The following PELI2 variants were observed in gnomAD, a reference collection of about 807,000 sequenced individuals.
PELI2 encodes the protein E3 ubiquitin-protein ligase pellino homolog 2.
PELI2 carries 23 observed loss-of-function variants against 42.3 expected under a neutral mutation model. The ratio of observed to expected loss-of-function variants is 0.54; its 90% confidence interval spans 0.39 to 0.77. PELI2 has a LOEUF of 0.77. Ranked by LOEUF, PELI2 falls within the 30% of genes least tolerant of loss-of-function variation. The probability of loss-of-function intolerance (pLI) is 0.00; values close to 1 mark genes in which losing one functional copy is unlikely to be tolerated. For missense variants in PELI2, 463 were observed against 553.2 expected, an observed-to-expected ratio of 0.84 and a Z score of 1.64; for synonymous variants, 245 against 212.2, an observed-to-expected ratio of 1.15 and a Z score of -1.34.
At position 56,150,103 on chromosome 14, in the gene PELI2, T is replaced by C. The variant is rs114831931; in HGVS notation, c.78-28232T>C. Among the ~76,000 whole-genome samples the C allele has an allele frequency of 7.8e-3, 1,192 of 152,252 alleles. 17 individuals carry two copies. Among genetic ancestry groups the C allele is most frequent in the African/African-American group, 0.027 (1,118 of 41,550 alleles). Reference sequence around the variant, plus strand: ...CCTTCCCTCTCAGGCGCTTGAGATATAAGGAAAAATAAGGTAAAGTGCTTT... The same window carrying C: ...CCTTCCCTCTCAGGCGCTTGAGATACAAGGAAAAATAAGGTAAAGTGCTTT... On this transcript the variant is annotated intron_variant, in intron 1 of 5. Coordinates refer to ENST00000267460, the MANE Select transcript of PELI2 (RefSeq NM_021255.3).
At chr14:56,251,855 G>A (rs1888355423) in intron 2 of PELI2, among the ~76,000 whole-genome samples, 1 of 152,190 alleles carries the variant, frequency 6.6e-6, no homozygotes, top group Admixed American at 6.5e-5. Context: ...AGTCACTTGG[G>A]ATGTTTTAGC....
At position 56,273,916 on chromosome 14, in the gene PELI2, A is replaced by T. The variant is rs1005115770; in HGVS notation, c.208-5760A>T. On this transcript the variant is annotated intron_variant, in intron 2 of 5. Coordinates refer to ENST00000267460, the MANE Select transcript of PELI2 (RefSeq NM_021255.3). The surrounding 1 kb of genome is among the most constrained non-coding windows in gnomAD (Gnocchi z 4.3). ...CCACGTTTGATTCAGCATCTCAAAG[A>T]TGTCAGGGCTCTGAGCCAACTTCTG... 9.2e-5 allele frequency among the ~76,000 whole-genome samples: 14 copies of T among 152,192 alleles called. No individual in the cohort carries two copies. Among genetic ancestry groups the T allele is most frequent in the Admixed American group, 5.9e-4 (9 of 15,280 alleles).
At chr14:56,245,967 G>A (rs983676434) in intron 2 of PELI2, among the ~76,000 whole-genome samples, 1 of 152,200 alleles carries the variant, frequency 6.6e-6, no homozygotes, top group African/African-American at 2.4e-5. Context: ...ATCTGCAGGA[G>A]TCCTGGAACC....
At chr14:56,256,443 C>A (rs1257826324) in intron 2 of PELI2, among the ~76,000 whole-genome samples, 1 of 151,416 alleles carries the variant, frequency 6.6e-6, no homozygotes, top group Non-Finnish European at 1.5e-5. Flanking sequence ...AAGATCGAGA[C>A]CCTGTCTCAA....
chr14:56,176,019 A>C (rs1340881707), intron 1 of PELI2, among the ~76,000 whole-genome samples: 2 of 152,222 alleles, frequency 1.3e-5, no homozygotes, highest in African/African-American at 4.8e-5. Context: ...ATGGATGACT[A>C]TCTCTCTGTC....
At chr14:56,214,951 A>G (rs1276024462) in intron 2 of PELI2, among the ~76,000 whole-genome samples, 2 of 152,098 alleles carry the variant, frequency 1.3e-5, no homozygotes, top group East Asian at 3.9e-4. Context: ...TAGGCTTCAT[A>G]CTCTCCTGAA....
chr14:56,275,097 T>G (rs1889244012), intron 2 of PELI2, among the ~76,000 whole-genome samples: 2 of 151,912 alleles, frequency 1.3e-5, no homozygotes, highest in Admixed American at 1.3e-4. Flanking sequence ...TTCATTCGTT[T>G]GACATTCATT....
chr14:56,218,667 A>G (rs1203192856), intron 2 of PELI2, among the ~76,000 whole-genome samples: 1 of 152,194 alleles, frequency 6.6e-6, no homozygotes, highest in Non-Finnish European at 1.5e-5. Flanking sequence ...AAGAAAAATC[A>G]GATCCAAGAC....
At chr14:56,165,766 C>G (rs953684242) in intron 1 of PELI2, among the ~76,000 whole-genome samples, 1 of 151,934 alleles carries the variant, frequency 6.6e-6, no homozygotes, top group Non-Finnish European at 1.5e-5. Context: ...TATATAGTGA[C>G]CGTCTTTGTC....
intron 1 of PELI2, among the ~76,000 whole-genome samples, chr14:56,146,408 C>T (rs996645210): frequency 6.6e-6 from 1 of 152,166 alleles, no homozygotes; most frequent in African/African-American, 2.4e-5. Context: ...CATGAATCTC[C>T]CTTGGCGATG....
At chr14:56,206,332 A>G (rs1157693096) in intron 2 of PELI2, among the ~76,000 whole-genome samples, 1 of 152,204 alleles carries the variant, frequency 6.6e-6, no homozygotes, top group East Asian at 1.9e-4. Flanking sequence ...CTTTCAAGAA[A>G]AATTTTAAGT....
chr14:56,205,501 A>G (rs1886485389), intron 2 of PELI2, among the ~76,000 whole-genome samples: 1 of 152,134 alleles, frequency 6.6e-6, no homozygotes, highest in Admixed American at 6.5e-5. Context: ...CTAGGACTGG[A>G]CTGAAGAAGC....
Position 56,288,897 on chromosome 14 carries a change from A to G in PELI2, c.507+263A>G, listed in dbSNP as rs1368189270. Among the ~76,000 whole-genome samples, 1 of 152,242 alleles carries G rather than the reference A, an allele frequency of 6.6e-6. No homozygotes were observed. Among genetic ancestry groups the G allele is most frequent in the East Asian group, 1.9e-4 (1 of 5,198 alleles). ...AAAGTATGCCTATAACATTGTCCAT[A>G]ATGTATTTACGGCAACGAAGAGGTT... On this transcript the variant is annotated intron_variant, in intron 4 of 5. Transcript: ENST00000267460. The surrounding 1 kb of genome is among the most constrained non-coding windows in gnomAD (Gnocchi z 4.6).
chr14:56,205,495 G>A (rs1663906808), intron 2 of PELI2, among the ~76,000 whole-genome samples: 1 of 152,156 alleles, frequency 6.6e-6, no homozygotes, highest in Non-Finnish European at 1.5e-5. Context: ...GCTTAGCTAG[G>A]ACTGGACTGA....
At chr14:56,173,888 T>G (rs1468457765) in intron 1 of PELI2, among the ~76,000 whole-genome samples, 2 of 152,188 alleles carry the variant, frequency 1.3e-5, no homozygotes, top group Non-Finnish European at 2.9e-5. Flanking sequence ...AAGGTCACAT[T>G]CACAAGTGAC....
At chr14:56,253,701 G>A (rs559171548) in intron 2 of PELI2, among the ~76,000 whole-genome samples, 34 of 152,064 alleles carry the variant, frequency 2.2e-4, no homozygotes, top group Non-Finnish European at 4.7e-4. Context: ...AAATAAGAGC[G>A]GACACAAGCA....
chr14:56,119,340 CTG>C (rs1429449105), intron 1 of PELI2: 1 of 152,054 alleles, frequency 6.6e-6, no homozygotes, highest in Non-Finnish European at 1.5e-5. Context: ...GAGCAGTGAA[CTG>C]TGTGTGACCC....
At chr14:56,274,108 C>T (rs1889204153) in intron 2 of PELI2, among the ~76,000 whole-genome samples, 1 of 152,188 alleles carries the variant, frequency 6.6e-6, no homozygotes, top group African/African-American at 2.4e-5. Flanking sequence ...AAAGTGGATA[C>T]ATTTCCATGC....
intron 1 of PELI2, among the ~76,000 whole-genome samples, chr14:56,145,794 G>A (rs1884093622): frequency 1.3e-5 from 2 of 152,172 alleles, no homozygotes; most frequent in Admixed American, 6.5e-5. Context: ...CTAGTGTACT[G>A]TTTCTCTAAT....
Sources: allele counts gnomAD v4.1 joint callset (sites outside exome capture counted in the v4.1 genomes callset), GRCh38; gene constraint gnomAD v4.1.1; non-coding constraint Gnocchi (gnomAD v3.1); transcripts MANE v1.5; gene names NCBI Gene and HGNC (gene_info 2026-07-23, HGNC 2026-07-21).